SEH1L: variants seen among roughly 807,000 people sequenced by gnomAD.
SEH1L encodes the protein nucleoporin SEH1.
Under a neutral mutation model 49.5 loss-of-function variants are expected in SEH1L, and 18 were observed. That is an observed-to-expected ratio of 0.36 (90% CI 0.25 to 0.54). The LOEUF is 0.54. Among genes scored for constraint, SEH1L ranks in the 20% least tolerant of loss-of-function variants. SEH1L has a pLI of 0.87. For synonymous variants in SEH1L, 169 were observed against 178.1 expected, an observed-to-expected ratio of 0.95 and a Z score of 0.41; for missense variants, 404 against 528.8, an observed-to-expected ratio of 0.76 and a Z score of 2.31.
At chr18:12,953,298 T>C (rs199990173) in intron 2 of SEH1L, among the ~76,000 whole-genome samples, 1 of 152,220 alleles carries the variant, frequency 6.6e-6, no homozygotes, top group Non-Finnish European at 1.5e-5. Context: ...TTTTTGGCTG[T>C]TATGAGTAAT....
intron 2 of SEH1L, among the ~76,000 whole-genome samples, chr18:12,952,779 C>CT (rs2030620781): frequency 8.0e-6 from 1 of 124,926 alleles, no homozygotes. Context: ...CTCTTCTCTT[C>CT]TTTTCTTTTT....
intron 3 of SEH1L, among the ~76,000 whole-genome samples, chr18:12,960,623 C>T (rs1263325919): frequency 6.6e-6 from 1 of 152,086 alleles, no homozygotes; most frequent in East Asian, 1.9e-4. Flanking sequence ...CAAACAGCTG[C>T]TTATGGGGAG....
intron 8 of SEH1L, 64 bp from the exon 9 acceptor site, chr18:12,986,798 C>G: frequency 1.7e-6 from 2 of 1,151,052 alleles, no homozygotes. Context: ...TTCTCTTTTT[C>G]TTGTGTTTTT....
At chr18:12,951,770 C>T in intron 1 of SEH1L, 85 bp from the exon 2 acceptor site, 1 of 798,396 alleles carries the variant, frequency 1.3e-6, no homozygotes, top group Non-Finnish European at 2.1e-6. Flanking sequence ...TCACCGCTTT[C>T]CTTGTACACT....
intron 4 of SEH1L, among the ~76,000 whole-genome samples, chr18:12,968,581 A>G (rs2031552676): frequency 6.6e-6 from 1 of 152,132 alleles, no homozygotes; most frequent in Non-Finnish European, 1.5e-5. Flanking sequence ...ACTGATGGTG[A>G]TACGGACTCT....
At chr18:12,969,040 T>C (rs1971424) in intron 4 of SEH1L, among the ~76,000 whole-genome samples, 44,488 of 151,716 alleles carry the variant, frequency 0.29, 7,579 homozygotes, top group East Asian at 0.62. Flanking sequence ...GAGAAAACCC[T>C]TCTCTACTAA....
intron 6 of SEH1L, among the ~76,000 whole-genome samples, chr18:12,980,428 CCA>C (rs2032165307): frequency 2.2e-5 from 2 of 91,496 alleles, no homozygotes; most frequent in Non-Finnish European, 2.2e-5. Context: ...GGCTGACCCC[CCA>C]ACCTCCCTCC....
At chr18:12,965,254 C>T (rs538440849) in intron 4 of SEH1L, among the ~76,000 whole-genome samples, 1 of 152,032 alleles carries the variant, frequency 6.6e-6, no homozygotes, top group South Asian at 2.1e-4. Flanking sequence ...CCTTGTGATC[C>T]GCCCACCTCG....
intron 2 of SEH1L, among the ~76,000 whole-genome samples, chr18:12,952,490 A>G (rs1328333357): frequency 2.6e-5 from 4 of 152,086 alleles, no homozygotes; most frequent in Non-Finnish European, 5.9e-5. Flanking sequence ...TCGGCCTCCC[A>G]AAGTGCTGGG....
Position 12,978,799 on chromosome 18 carries a change from A to G in SEH1L, c.668A>G (p.His223Arg). ...CTTATGACAGTCACTGATCCTGTTC[A>G]TGATATTGCATTCGCTCCAAATTTG... Reference protein sequence around the residue: ...ETLMTVTDPVHDIAFAPNLGR... With the variant: ...ETLMTVTDPVRDIAFAPNLGR... Residue 223 changes from histidine to arginine, a missense_variant, in exon 6 of 9, where the codon CAT becomes CGT. Physicochemically the swap from His to Arg is conservative, Grantham distance 29. Transcript: ENST00000399892. The G allele has an allele frequency of 2.5e-6, 4 of 1,613,714 alleles. No individual in the cohort carries two copies. Among genetic ancestry groups the G allele is most frequent in the Non-Finnish European group, 3.4e-6 (4 of 1,179,620 alleles).
chr18:12,984,861 C>T (rs1276600501), intron 8 of SEH1L: 2 of 162,254 alleles, frequency 1.2e-5, no homozygotes, highest in African/African-American at 2.4e-5. Flanking sequence ...CGTCAAAACA[C>T]AGCCTAATGA....
In SEH1L at chr18:12,982,666, T is replaced by C. The variant is rs780837703; in HGVS notation, c.910T>C (p.Leu304=). The C allele has an allele frequency of 1.2e-6, 2 of 1,607,714 alleles. No homozygotes were observed. Among genetic ancestry groups the C allele is most frequent in the African/African-American group, 1.3e-5 (1 of 74,686 alleles). Residue 304 remains leucine (L), a synonymous_variant, in exon 7 of 9, where the codon TTG becomes CTG. Transcript: ENST00000399892. The part of the protein sequence containing the change: ...ASSGDDGCVR[L]WKANYMDNWK... The stretch of plus-strand genomic sequence containing the variant: ...TTCAGGAGATGATGGGTGTGTAAGA[T>C]TGTGGAAAGGTAAGAGTTCAGTGAA...
chr18:12,954,077 G>GT (rs921387486), intron 2 of SEH1L, among the ~76,000 whole-genome samples: 10 of 151,852 alleles, frequency 6.6e-5, no homozygotes, highest in African/African-American at 2.4e-4. Flanking sequence ...ACAAAACAAG[G>GT]TTAAAAAAAA....
At chr18:12,966,960 A>G (rs899399830) in intron 4 of SEH1L, among the ~76,000 whole-genome samples, 2 of 152,124 alleles carry the variant, frequency 1.3e-5, no homozygotes, top group African/African-American at 4.8e-5. Flanking sequence ...TATGAATGGC[A>G]ATCATTTTTA....
In SEH1L at chr18:12,986,897, G is replaced by A. The variant is rs1456973123; in HGVS notation, c.1106G>A (p.Gly369Glu). The A allele has an allele frequency of 6.2e-7, 1 of 1,610,344 alleles. No individual in the cohort carries two copies. The highest frequency in any genetic ancestry group is 1.7e-5 in the Admixed American group (1 of 59,778). The change falls in exon 9 of 9, where the codon GGA becomes GAA. Residue 369 changes from glycine (G) to glutamate (E), a missense_variant. This residue lies in a region of SEH1L where 342 missense variants were observed against 430.8 expected (regional missense o/e 0.79). Coordinates refer to ENST00000399892, the MANE Select transcript of SEH1L (RefSeq NM_001013437.2). ...FFTPLDSPRA[G>E]SRWSSYAQLL... ...ACCCCTCTGGATTCCCCACGGGCTG[G>A]ATCGAGATGGTCCAGTTATGCCCAG...
Position 12,978,879 on chromosome 18 carries a change from T to C in SEH1L, c.748T>C (p.Leu250=). ...GACCAAAGATGTGAGAATTTTTACA[T>C]TAAAGCCTGTGAGGTGAGTTTTAGA... is the stretch of plus-strand genomic sequence containing the variant. ...IATKDVRIFT[L]KPVRKELTSS... is the part of the protein sequence containing the mutation. Residue 250 remains leucine (L), a synonymous_variant, in exon 6 of 9, where the codon TTA becomes CTA. Coordinates refer to ENST00000399892, the MANE Select transcript of SEH1L (RefSeq NM_001013437.2). 1 of 1,613,988 alleles carries C rather than the reference T, an allele frequency of 6.2e-7. No individual in the cohort carries two copies. Among genetic ancestry groups the C allele is most frequent in the Non-Finnish European group, 8.5e-7 (1 of 1,180,000 alleles).
At chr18:12,980,257 C>T (rs2032146087) in intron 6 of SEH1L, among the ~76,000 whole-genome samples, 2 of 135,552 alleles carry the variant, frequency 1.5e-5, no homozygotes, top group East Asian at 2.8e-4. Flanking sequence ...GCCCCCCCAC[C>T]TCCCTCCCGG....
At chr18:12,962,281 C>A (rs1046326353) in intron 3 of SEH1L, among the ~76,000 whole-genome samples, 1 of 151,494 alleles carries the variant, frequency 6.6e-6, no homozygotes, top group African/African-American at 2.4e-5. Flanking sequence ...TGCCTGTCAT[C>A]CCAGCTACTG....
At position 12,984,975 on chromosome 18, in the gene SEH1L, G is replaced by A. The variant is rs149846400; in HGVS notation, c.1070+785G>A. On this transcript the variant is annotated intron_variant, in intron 8 of 8. Transcript: ENST00000399892. The stretch of plus-strand genomic sequence containing the variant: ...TGTTATGTTTTCATAAAGAAGTTCT[G>A]CTTTTGATTTTGAGGTTTTAAGTAC... 164 of 342,790 alleles carry A rather than the reference G, an allele frequency of 4.8e-4. 1 individual carries two copies. The highest frequency in any genetic ancestry group is 3.0e-3 in the African/African-American group (141 of 46,640). The allele number at this position is 342,790 out of a possible 1,614,324, so 21.2% of individuals were successfully genotyped here.
Sources: allele counts gnomAD v4.1 joint callset (sites outside exome capture counted in the v4.1 genomes callset), GRCh38; gene constraint gnomAD v4.1.1; regional missense constraint gnomAD v4.1.1; transcripts MANE v1.5; gene names NCBI Gene and HGNC (gene_info 2026-07-23, HGNC 2026-07-21).